The following WDPCP variants were observed in gnomAD, a reference collection of about 807,000 sequenced individuals.
WDPCP encodes the protein WD repeat containing planar cell polarity effector, also known as WD repeat-containing and planar cell polarity effector protein fritz homolog.
A neutral mutation model predicts 93.1 loss-of-function variants in WDPCP; 71 were observed. The observed-to-expected ratio is 0.76, with a 90% CI of 0.63 to 0.93. The LOEUF (loss-of-function observed/expected upper bound fraction) is 0.93, where lower values mean the gene tolerates loss of function less well. Ranked by LOEUF, WDPCP falls within the 40% of genes least tolerant of loss-of-function variation. The pLI, the probability that WDPCP is intolerant of heterozygous loss-of-function variation, is 0.00. For synonymous variants in WDPCP, 315 were observed against 315.0 expected, an observed-to-expected ratio of 1.00 and a Z score of 0.00; for missense variants, 844 against 887.4, an observed-to-expected ratio of 0.95 and a Z score of 0.62.
At chr2:63,517,814 AG>A (rs1377528955) in intron 1 of WDPCP, 1 of 152,346 alleles carries the variant, frequency 6.6e-6, no homozygotes, top group African/African-American at 2.4e-5. Flanking sequence ...ATCTGTAGTT[AG>A]ATCTGTTACA....
intron 3 of WDPCP, among the ~76,000 whole-genome samples, chr2:63,633,952 C>G (rs1437741201): frequency 6.6e-6 from 1 of 152,106 alleles, no homozygotes; most frequent in Non-Finnish European, 1.5e-5. Flanking sequence ...ATCCCAGCTA[C>G]TCACGAGGGT....
chr2:63,723,611 G>A (rs896125999), intron 2 of WDPCP, among the ~76,000 whole-genome samples: 1 of 152,112 alleles, frequency 6.6e-6, no homozygotes, highest in South Asian at 2.1e-4. Context: ...ATGGACAAAT[G>A]AATATATATT....
intron 2 of WDPCP, among the ~76,000 whole-genome samples, chr2:63,801,063 A>C (rs1296136915): frequency 2.0e-5 from 3 of 152,208 alleles, no homozygotes; most frequent in Non-Finnish European, 4.4e-5. Context: ...GAAATAAATA[A>C]ATACATAAAA....
chr2:63,331,373 A>ATT (rs1687964698), intron 12 of WDPCP, among the ~76,000 whole-genome samples: 1 of 152,130 alleles, frequency 6.6e-6, no homozygotes, highest in Non-Finnish European at 1.5e-5. Context: ...GGGAGGATAT[A>ATT]TTATCTTTAA....
intron 12 of WDPCP, among the ~76,000 whole-genome samples, chr2:63,331,637 CAA>C (rs1250927392): frequency 2.6e-5 from 4 of 152,128 alleles, no homozygotes; most frequent in Non-Finnish European, 4.4e-5. Context: ...TAGATCATCT[CAA>C]AAAAGTTTCC....
intron 10 of WDPCP, among the ~76,000 whole-genome samples, chr2:63,394,331 T>C (rs1693532800): frequency 6.6e-6 from 1 of 151,426 alleles, no homozygotes; most frequent in Admixed American, 6.6e-5. Flanking sequence ...AAAACCACAA[T>C]GAGATGCCAT....
chr2:63,530,659 A>AT (rs1703759568), intron 1 of WDPCP, among the ~76,000 whole-genome samples: 1 of 152,144 alleles, frequency 6.6e-6, no homozygotes, highest in Admixed American at 6.5e-5. Flanking sequence ...CCAAGGTCAT[A>AT]TTTTCTAACA....
chr2:63,474,816 G>C (rs1330111266), intron 6 of WDPCP, among the ~76,000 whole-genome samples: 1 of 152,076 alleles, frequency 6.6e-6, no homozygotes, highest in Non-Finnish European at 1.5e-5. Flanking sequence ...AAAATAATTA[G>C]GCCATATGTA....
At chr2:63,696,049 A>G (rs1345925339) in intron 2 of WDPCP, among the ~76,000 whole-genome samples, 1 of 152,138 alleles carries the variant, frequency 6.6e-6, no homozygotes, top group East Asian at 1.9e-4. Context: ...TTCTCTAGGA[A>G]GTGGTATTTA....
At chr2:63,676,555 G>A (rs531361493) in intron 2 of WDPCP, among the ~76,000 whole-genome samples, 8 of 152,124 alleles carry the variant, frequency 5.3e-5, no homozygotes, top group African/African-American at 1.4e-4. Context: ...ATTATGCTGA[G>A]TGAAAAGAAC....
chr2:63,765,570 T>G (rs1015601069), intron 2 of WDPCP, among the ~76,000 whole-genome samples: 1 of 152,190 alleles, frequency 6.6e-6, no homozygotes, highest in Non-Finnish European at 1.5e-5. Flanking sequence ...GTTACCCCTC[T>G]AGCTAGATGT....
At chr2:63,215,143 C>T (rs189320053) in intron 14 of WDPCP, among the ~76,000 whole-genome samples, 1 of 152,142 alleles carries the variant, frequency 6.6e-6, no homozygotes, top group Admixed American at 6.5e-5. Flanking sequence ...CACATGGAAC[C>T]AAAAAAGAGC....
At chr2:63,258,787 TA>T (rs1326729608) in intron 14 of WDPCP, among the ~76,000 whole-genome samples, 1 of 152,194 alleles carries the variant, frequency 6.6e-6, no homozygotes, top group Non-Finnish European at 1.5e-5. Flanking sequence ...TTATAAAATT[TA>T]AATGGACTTT....
At chr2:63,445,726 T>A (rs749227455) in intron 6 of WDPCP, among the ~76,000 whole-genome samples, 1 of 152,162 alleles carries the variant, frequency 6.6e-6, no homozygotes, top group Non-Finnish European at 1.5e-5. Flanking sequence ...AAAGTAGATT[T>A]TGTATTTGTC....
At chr2:63,215,968 A>G (rs1677298671) in intron 14 of WDPCP, among the ~76,000 whole-genome samples, 1 of 152,256 alleles carries the variant, frequency 6.6e-6, no homozygotes, top group Non-Finnish European at 1.5e-5. Flanking sequence ...GCTCGTCATC[A>G]CTGGCCATCA....
chr2:63,232,653 C>T (rs1240654752), intron 14 of WDPCP: 1 of 152,932 alleles, frequency 6.5e-6, no homozygotes, highest in South Asian at 2.1e-4. Flanking sequence ...GACATCGGGT[C>T]CTAATATGAA....
intron 6 of WDPCP, among the ~76,000 whole-genome samples, chr2:63,476,964 T>C (rs1322801158): frequency 6.6e-6 from 1 of 152,208 alleles, no homozygotes; most frequent in Non-Finnish European, 1.5e-5. Flanking sequence ...GTTGACCTTT[T>C]ATGATTGTGC....
chr2:63,374,261 G>A (rs1476532001), intron 12 of WDPCP, among the ~76,000 whole-genome samples: 2 of 152,080 alleles, frequency 1.3e-5, no homozygotes, highest in Non-Finnish European at 2.9e-5. Flanking sequence ...CTTACTGTGA[G>A]CCAGAGGATG....
At chr2:63,290,845 G>T (rs1368693185) in intron 13 of WDPCP, among the ~76,000 whole-genome samples, 1 of 151,880 alleles carries the variant, frequency 6.6e-6, no homozygotes, top group African/African-American at 2.4e-5. Context: ...TGTTTCCTGG[G>T]TATTTTAAAG....
Sources: gnomAD v4.1 joint callset for allele counts (sites outside exome capture counted in the v4.1 genomes callset) on GRCh38, gnomAD v4.1.1 for gene constraint, MANE v1.5 for transcripts, NCBI Gene and HGNC (gene_info 2026-07-23, HGNC 2026-07-21) for gene names.